Variants in GRIN2B observed in about 807,000 individuals in gnomAD.
GRIN2B encodes the protein glutamate ionotropic receptor NMDA type subunit 2B.
GRIN2B carries 5 observed loss-of-function variants against 114.5 expected under a neutral mutation model. The ratio of observed to expected loss-of-function variants is 0.04; its 90% CI spans 0.02 to 0.09. The LOEUF (loss-of-function observed/expected upper bound fraction) is 0.09, where lower values mean the gene tolerates loss of function less well. GRIN2B is among the 10% of genes least tolerant of loss of function. The pLI is 1.00. For missense variants in GRIN2B, 1,108 were observed against 1,943.5 expected (o/e 0.57, Z 8.08); for synonymous variants, 787 against 745.1 (o/e 1.06, Z -0.92).
chr12:13,701,643 G>C lies in GRIN2B; in HGVS notation c.1011-25784C>G, dbSNP rs1950313884. Among the ~76,000 whole-genome samples the C allele has an allele frequency of 2.0e-5, 3 of 152,020 alleles. No individual in the cohort carries two copies. The South Asian group carries it at 6.2e-4, about 32-fold the overall frequency. ...TGCTCTAACTGAATTAACTACAACT[G>C]CACCATCCAGGCAAGATCACAATGG... On this transcript the variant is annotated intron_variant, in intron 4 of 13. Transcript: ENST00000609686.
At chr12:13,960,420 C>T (rs1867668467) in intron 2 of GRIN2B, among the ~76,000 whole-genome samples, 1 of 152,094 alleles carries the variant, frequency 6.6e-6, no homozygotes, top group African/African-American at 2.4e-5. Context: ...CAGCTTCAGG[C>T]AGTTTGACTC....
intron 4 of GRIN2B, among the ~76,000 whole-genome samples, chr12:13,703,943 T>C (rs1263152250): frequency 6.6e-6 from 1 of 152,158 alleles, no homozygotes; most frequent in African/African-American, 2.4e-5. Flanking sequence ...GTATACAGAT[T>C]CCTCATACAT....
chr12:13,769,121 TTTA>T (rs1256126177), intron 3 of GRIN2B, among the ~76,000 whole-genome samples: 1 of 152,180 alleles, frequency 6.6e-6, no homozygotes, highest in Non-Finnish European at 1.5e-5. Context: ...ATTCTTGGAA[TTTA>T]TTCTACAGCT....
intron 2 of GRIN2B, among the ~76,000 whole-genome samples, chr12:13,866,448 G>T (rs758148317): frequency 6.6e-6 from 1 of 152,148 alleles, no homozygotes; most frequent in Non-Finnish European, 1.5e-5. Context: ...GGCAATAAAA[G>T]GTGCTATTGC....
chr12:13,779,291 G>GCCT (rs1313109836), intron 3 of GRIN2B, among the ~76,000 whole-genome samples: 1 of 152,182 alleles, frequency 6.6e-6, no homozygotes, highest in Non-Finnish European at 1.5e-5. Flanking sequence ...TGATCCATCT[G>GCCT]CCTCGGCCTC....
At chr12:13,750,195 T>A (rs901668959) in intron 4 of GRIN2B, among the ~76,000 whole-genome samples, 1 of 152,158 alleles carries the variant, frequency 6.6e-6, no homozygotes, top group Non-Finnish European at 1.5e-5. Flanking sequence ...TGAATAATAA[T>A]CCTTATTCCC....
chr12:13,853,922 A>T (rs1865615057), intron 3 of GRIN2B, among the ~76,000 whole-genome samples: 1 of 152,250 alleles, frequency 6.6e-6, no homozygotes, highest in South Asian at 2.1e-4. Flanking sequence ...GGTTCTGGTG[A>T]TACAAAAATG....
intron 3 of GRIN2B, among the ~76,000 whole-genome samples, chr12:13,786,462 G>C (rs1232470028): frequency 6.6e-6 from 1 of 152,072 alleles, no homozygotes; most frequent in Non-Finnish European, 1.5e-5. Context: ...GTGCCACATA[G>C]CTGAACTTAT....
chr12:13,614,519 T>C (rs1949410395), intron 8 of GRIN2B, among the ~76,000 whole-genome samples: 1 of 151,988 alleles, frequency 6.6e-6, no homozygotes, highest in African/African-American at 2.4e-5. Flanking sequence ...TTATATCACG[T>C]CTGAGATTTT....
chr12:13,907,415 G>A (rs1244332435), intron 2 of GRIN2B, among the ~76,000 whole-genome samples: 1 of 151,628 alleles, frequency 6.6e-6, no homozygotes, highest in African/African-American at 2.4e-5. Flanking sequence ...GCTTGAGACC[G>A]TGAGGCAGAG....
intron 2 of GRIN2B, among the ~76,000 whole-genome samples, chr12:13,942,567 T>C (rs1867279896): frequency 6.6e-6 from 1 of 152,186 alleles, no homozygotes; most frequent in Non-Finnish European, 1.5e-5. Context: ...AGAAGATACA[T>C]ATGAACAAGT....
rs1948349465 is a variant in GRIN2B, at chr12:13,546,799, G to A, written c.*15984C>T. Reference sequence around the variant, plus strand: ...AGCTAGACATCCTCCATCACAAAGGGCTTGTGCCTTGAAATAAATTTAAAA... The same window carrying A: ...AGCTAGACATCCTCCATCACAAAGGACTTGTGCCTTGAAATAAATTTAAAA... On this transcript the variant is annotated 3_prime_UTR_variant, in exon 14 of 14. Coordinates refer to ENST00000609686, the MANE Select transcript of GRIN2B (RefSeq NM_000834.5). The A allele has an allele frequency of 6.6e-6, 1 of 152,144 alleles. No individual in the cohort carries two copies. The allele number at this position is 152,144 out of a possible 1,614,324, so 9.4% of individuals were successfully genotyped here.
At chr12:13,748,521 A>T (rs1863427434) in intron 4 of GRIN2B, among the ~76,000 whole-genome samples, 1 of 152,198 alleles carries the variant, frequency 6.6e-6, no homozygotes, top group South Asian at 2.1e-4. Flanking sequence ...GGTTTGGAAA[A>T]CTTACCTAAT....
intron 4 of GRIN2B, among the ~76,000 whole-genome samples, chr12:13,702,326 A>G (rs1296668474): frequency 6.6e-6 from 1 of 152,206 alleles, no homozygotes; most frequent in Non-Finnish European, 1.5e-5. Context: ...TGATAACTTT[A>G]TGTGCTACCT....
chr12:13,883,821 A>G (rs7134097), intron 2 of GRIN2B, among the ~76,000 whole-genome samples: 110,170 of 152,010 alleles, frequency 0.72, 40,317 homozygotes, highest in East Asian at 0.96. Context: ...TTTCTTTTAT[A>G]GCTCATACAT....
intron 4 of GRIN2B, among the ~76,000 whole-genome samples, chr12:13,741,576 G>C (rs1156480561): frequency 6.6e-6 from 1 of 152,018 alleles, no homozygotes; most frequent in Non-Finnish European, 1.5e-5. Context: ...ATTTTTTTGA[G>C]ACAGGGTCTT....
intron 3 of GRIN2B, among the ~76,000 whole-genome samples, chr12:13,762,153 G>A (rs927669915): frequency 3.3e-5 from 5 of 152,002 alleles, no homozygotes; most frequent in East Asian, 1.9e-4. Flanking sequence ...ACAGGCGCCC[G>A]CCACCACGAC....
At position 13,548,837 on chromosome 12, in the gene GRIN2B, C is replaced by T. The variant is rs962719734; in HGVS notation, c.*13946G>A. On this transcript the variant is annotated 3_prime_UTR_variant, in exon 14 of 14. Coordinates refer to ENST00000609686, the MANE Select transcript of GRIN2B (RefSeq NM_000834.5). ...TCTTCATGCATGGGAATAAAAGCTA[C>T]CTCCTCCATTTCCTCCGATCATCTG... is the stretch of plus-strand genomic sequence containing the variant. 6.6e-6 allele frequency: 1 copy of T among 152,084 alleles called. No individual in the cohort carries two copies. Among genetic ancestry groups the T allele is most frequent in the African/African-American group, 2.4e-5 (1 of 41,398 alleles). 9.4% of individuals were successfully genotyped at this position (152,084 alleles called of 1,614,324 possible).
At chr12:13,887,507 C>G (rs1866184730) in intron 2 of GRIN2B, among the ~76,000 whole-genome samples, 1 of 152,042 alleles carries the variant, frequency 6.6e-6, no homozygotes, top group Non-Finnish European at 1.5e-5. Flanking sequence ...CAACAGAACT[C>G]ATACAAAAGG....
Sources: gnomAD v4.1 joint callset for allele counts (sites outside exome capture counted in the v4.1 genomes callset) on GRCh38, gnomAD v4.1.1 for gene constraint, MANE v1.5 for transcripts, NCBI Gene and HGNC (gene_info 2026-07-23, HGNC 2026-07-21) for gene names.